Variants in PREX2 observed in about 807,000 individuals in gnomAD.
The protein encoded by PREX2 is phosphatidylinositol 3,4,5-trisphosphate-dependent Rac exchanger 2 protein.
PREX2 carries 107 observed loss-of-function variants against 203.2 expected under a neutral mutation model. The ratio of observed to expected loss-of-function variants is 0.53; its 90% CI spans 0.45 to 0.62. The LOEUF (loss-of-function observed/expected upper bound fraction) is 0.62. Among genes scored for constraint, PREX2 ranks in the 20% least tolerant of loss-of-function variants. The probability of loss-of-function intolerance (pLI) is 0.00; values close to 1 mark genes in which losing one functional copy is unlikely to be tolerated. For synonymous variants in PREX2, 672 were observed against 663.6 expected (o/e 1.01, Z -0.19); for missense variants, 1,777 against 1,955.9 (o/e 0.91, Z 1.72).
At chr8:68,050,591 C>G (rs1808499906) in intron 8 of PREX2, among the ~76,000 whole-genome samples, 1 of 152,192 alleles carries the variant, frequency 6.6e-6, no homozygotes, top group Non-Finnish European at 1.5e-5. Context: ...TGCAGGAACA[C>G]AGACCCAAAC....
chr8:68,121,316 G>A (rs1009269052), intron 30 of PREX2, among the ~76,000 whole-genome samples: 1 of 151,752 alleles, frequency 6.6e-6, no homozygotes, highest in South Asian at 2.1e-4. Context: ...AGAACGTGAA[G>A]AGAATTTAAG....
chr8:68,065,864 A>C (rs1344315986), intron 11 of PREX2, among the ~76,000 whole-genome samples: 1 of 152,214 alleles, frequency 6.6e-6, no homozygotes, highest in East Asian at 1.9e-4. Flanking sequence ...AAAAAGAGAA[A>C]GCGTAGAGAT....
chr8:68,206,673 T>C lies in PREX2; in HGVS notation c.4605-10943T>C, dbSNP rs957111926. Among the ~76,000 whole-genome samples the C allele has an allele frequency of 2.6e-5, 4 of 152,274 alleles. No homozygotes were observed. The South Asian group carries it at 8.3e-4, about 32-fold the overall frequency. On this transcript the variant is annotated intron_variant, in intron 37 of 39. Coordinates refer to ENST00000288368, the MANE Select transcript of PREX2 (RefSeq NM_024870.4). ...CCAAGAGCGTATGGCAGAAGACAAA[T>C]GTTTAGGATTTAAAAAGAATTAGAC...
intron 35 of PREX2, among the ~76,000 whole-genome samples, chr8:68,189,236 G>T (rs1360173821): frequency 1.3e-5 from 2 of 152,194 alleles, no homozygotes; most frequent in East Asian, 1.9e-4. Flanking sequence ...AACATGAATT[G>T]TTGGACATAG....
intron 1 of PREX2, among the ~76,000 whole-genome samples, chr8:68,008,420 G>A (rs1454201407): frequency 7.7e-6 from 1 of 130,606 alleles, no homozygotes. Context: ...AGAGGGTAAA[G>A]ACAATATTTG....
intron 4 of PREX2, among the ~76,000 whole-genome samples, chr8:68,022,977 G>A (rs1163070845): frequency 6.6e-6 from 1 of 152,050 alleles, no homozygotes; most frequent in East Asian, 1.9e-4. Context: ...CATTTTAATT[G>A]CAAAATACTG....
chr8:68,089,942 G>T (rs1809817877), intron 19 of PREX2, among the ~76,000 whole-genome samples: 1 of 152,184 alleles, frequency 6.6e-6, no homozygotes, highest in Non-Finnish European at 1.5e-5. Flanking sequence ...GTTAGGATAT[G>T]TTACTTTCAT....
intron 4 of PREX2, among the ~76,000 whole-genome samples, chr8:68,026,457 G>T (rs1399362308): frequency 2.0e-5 from 3 of 152,124 alleles, no homozygotes; most frequent in African/African-American, 7.2e-5. Context: ...ACTGCAGAAA[G>T]AAGGTTTGGG....
Position 68,099,666 on chromosome 8 carries a change from GTGTT to G in PREX2, c.2554-12_2554-9del. The G allele has an allele frequency of 2.5e-6, 4 of 1,611,560 alleles. No individual in the cohort carries two copies. Among genetic ancestry groups the G allele is most frequent in the Non-Finnish European group, 3.4e-6 (4 of 1,178,002 alleles). Reference sequence around the variant, plus strand: ...TGTTTGTGTGTGTGGGTGTGCGTGTGTGTTTGTCATTGCAGATTCTTGAAGCCCT... The same window carrying G: ...TGTTTGTGTGTGTGGGTGTGCGTGTGTGTCATTGCAGATTCTTGAAGCCCT... On this transcript the variant is annotated splice_polypyrimidine_tract_variant and intron_variant, in intron 22 of 39. Coordinates refer to ENST00000288368, the MANE Select transcript of PREX2 (RefSeq NM_024870.4).
rs1285543363 is a variant in PREX2, at chr8:68,187,428, G to T, written c.4347-4294G>T. 2.0e-5 allele frequency among the ~76,000 whole-genome samples: 3 copies of T among 152,098 alleles called. No homozygotes were observed. The East Asian group carries it at 5.8e-4, about 29-fold the overall frequency. On this transcript the variant is annotated intron_variant, in intron 35 of 39. Coordinates refer to ENST00000288368, the MANE Select transcript of PREX2 (RefSeq NM_024870.4). Reference sequence around the variant, plus strand: ...TCATGGCTAAAAATTGTCCAATGATGCTTCCCACTGTGTGTACTTGAGTTA... The same window carrying T: ...TCATGGCTAAAAATTGTCCAATGATTCTTCCCACTGTGTGTACTTGAGTTA...
At chr8:68,023,495 A>AAGGGGG (rs1475098904) in intron 4 of PREX2, among the ~76,000 whole-genome samples, 6 of 152,184 alleles carry the variant, frequency 3.9e-5, no homozygotes, top group Non-Finnish European at 8.8e-5. Flanking sequence ...TTGAGCTGTA[A>AAGGGGG]ATGTTTGTTA....
chr8:68,048,755 G>A (rs534141031), intron 8 of PREX2, among the ~76,000 whole-genome samples: 17 of 152,048 alleles, frequency 1.1e-4, no homozygotes, highest in African/African-American at 3.9e-4. Flanking sequence ...GCTTGAAAAT[G>A]TGAACTTTAT....
chr8:67,981,054 CA>C (rs1221024600), intron 1 of PREX2, among the ~76,000 whole-genome samples: 1 of 152,080 alleles, frequency 6.6e-6, no homozygotes, highest in African/African-American at 2.4e-5. Context: ...CAGGAGCAAA[CA>C]ACATAATTAT....
At chr8:68,213,504 A>C (rs1812780151) in intron 37 of PREX2, among the ~76,000 whole-genome samples, 1 of 152,214 alleles carries the variant, frequency 6.6e-6, no homozygotes. Context: ...TGGCAAAAGA[A>C]TAAATGAAAG....
intron 25 of PREX2, among the ~76,000 whole-genome samples, chr8:68,110,286 G>A (rs996453872): frequency 1.2e-4 from 18 of 152,186 alleles, no homozygotes; most frequent in African/African-American, 3.6e-4. Flanking sequence ...GGTATAGGAC[G>A]ATGCTTCACA....
At chr8:68,227,583 C>T (rs980466849) in intron 39 of PREX2, among the ~76,000 whole-genome samples, 1 of 152,128 alleles carries the variant, frequency 6.6e-6, no homozygotes, top group African/African-American at 2.4e-5. Context: ...GGTGAAGACA[C>T]AGAAATCAAT....
At chr8:68,004,297 G>A (rs1807030010) in intron 1 of PREX2, among the ~76,000 whole-genome samples, 2 of 152,200 alleles carry the variant, frequency 1.3e-5, no homozygotes, top group Admixed American at 1.3e-4. Flanking sequence ...GAGTTAATTT[G>A]TATGGCTGGT....
chr8:68,018,039 G>C, intron 2 of PREX2, 122 bp downstream of exon 2: 1 of 714,314 alleles, frequency 1.4e-6, no homozygotes, highest in East Asian at 2.7e-5. Context: ...TGCTGTTCCA[G>C]TCAGTTGTAT....
At chr8:68,169,944 T>A (rs1449416677) in intron 35 of PREX2, among the ~76,000 whole-genome samples, 1 of 152,096 alleles carries the variant, frequency 6.6e-6, no homozygotes, top group Non-Finnish European at 1.5e-5. Context: ...TGGTGGAAAA[T>A]GCAGTGAAGA....
Sources: gnomAD v4.1 joint callset for allele counts (sites outside exome capture counted in the v4.1 genomes callset) on GRCh38, gnomAD v4.1.1 for gene constraint, MANE v1.5 for transcripts, NCBI Gene and HGNC (gene_info 2026-07-23, HGNC 2026-07-21) for gene names.